RPAP3: variants seen among roughly 807,000 people sequenced by gnomAD.
RPAP3 encodes RNA polymerase II-associated protein 3.
A neutral mutation model predicts 88.8 loss-of-function variants in RPAP3; 58 were observed. The observed-to-expected ratio is 0.65, with a 90% CI of 0.53 to 0.81. The LOEUF is 0.81. Ranked by LOEUF, RPAP3 falls within the 40% of genes least tolerant of loss-of-function variation. RPAP3 has a pLI of 0.00. For missense variants in RPAP3, 751 were observed against 764.3 expected, an observed-to-expected ratio of 0.98 and a Z score of 0.20; for synonymous variants, 255 against 259.9, an observed-to-expected ratio of 0.98 and a Z score of 0.18.
At chr12:47,690,118 G>T (rs1465897941) in intron 6 of RPAP3, among the ~76,000 whole-genome samples, 1 of 151,164 alleles carries the variant, frequency 6.6e-6, no homozygotes, top group Non-Finnish European at 1.5e-5. Context: ...CAGATTTTGT[G>T]ATTTGTAATA....
In RPAP3 at chr12:47,685,120, T is replaced by C. The variant is rs182524281; in HGVS notation, c.992+1660A>G. Among the ~76,000 whole-genome samples, 5 of 152,336 alleles carry C rather than the reference T, an allele frequency of 3.3e-5. No individual in the cohort carries two copies. In the East Asian group the frequency reaches 9.6e-4, roughly 29 times the overall value. On this transcript the variant is annotated intron_variant, in intron 9 of 16. Coordinates refer to ENST00000005386, the MANE Select transcript of RPAP3 (RefSeq NM_024604.3). The stretch of plus-strand genomic sequence containing the variant: ...TTGGCCGGGCGCGGTGGCTCCTGCC[T>C]GTAATCCCAGCACTCTGGGAGGCCG...
At chr12:47,691,025 T>C (rs1253206628) in intron 5 of RPAP3, among the ~76,000 whole-genome samples, 1 of 152,206 alleles carries the variant, frequency 6.6e-6, no homozygotes, top group Admixed American at 6.5e-5. Context: ...TCTGAGTCTT[T>C]AGTGAATATT....
At chr12:47,688,611 C>G (rs186450872) in intron 7 of RPAP3, among the ~76,000 whole-genome samples, 1 of 152,244 alleles carries the variant, frequency 6.6e-6, no homozygotes, top group African/African-American at 2.4e-5. Context: ...TGTTTTCAGA[C>G]ATAACAGTTC....
chr12:47,661,941 T>C lies in RPAP3; in HGVS notation c.*1564A>G, dbSNP rs1938768039. On this transcript the variant is annotated 3_prime_UTR_variant, in exon 17 of 17. Transcript: ENST00000005386. ...AAAATATCAAACTGGGTAGCTTACATTAATAAAAACAGAAATTTATTTCTT... is the reference window on the plus strand; with the variant it reads ...AAAATATCAAACTGGGTAGCTTACACTAATAAAAACAGAAATTTATTTCTT... The C allele has an allele frequency of 6.6e-6, 1 of 152,230 alleles. No homozygotes were observed. Among genetic ancestry groups the C allele is most frequent in the African/African-American group, 2.4e-5 (1 of 41,460 alleles). The allele number at this position is 152,230 out of a possible 1,614,324, so 9.4% of individuals were successfully genotyped here. A position where few individuals can be genotyped will look rare whatever the true frequency, so the allele number is the denominator to read the frequency against.
intron 14 of RPAP3, 91 bp from the exon 15 acceptor site, chr12:47,667,942 A>G (rs1938915816): frequency 1.2e-6 from 1 of 853,494 alleles, no homozygotes; most frequent in Non-Finnish European, 1.8e-6. Flanking sequence ...ATAGTAAAGA[A>G]TAACTACTTT....
In RPAP3 at chr12:47,689,042, T is replaced by C. The variant is rs916139121; in HGVS notation, c.738+83A>G. On this transcript the variant is annotated intron_variant, in intron 7 of 16. Coordinates refer to ENST00000005386, the MANE Select transcript of RPAP3 (RefSeq NM_024604.3). ...ATTAGAAAATCTCAATATTAAGAAA[T>C]CTATAGTACAAAATCTATGCAAAAA... is the stretch of plus-strand genomic sequence containing the variant. 1.2e-5 allele frequency: 8 copies of C among 660,552 alleles called. No individual in the cohort carries two copies. In the East Asian group the frequency reaches 2.0e-4, roughly 17 times the overall value. The allele number at this position is 660,552 out of a possible 1,614,324, so 40.9% of individuals were successfully genotyped here. A position where few individuals can be genotyped will look rare whatever the true frequency, so the allele number is the denominator to read the frequency against.
chr12:47,697,803 CAAAT>C lies in RPAP3; in HGVS notation c.295-88_295-85del, dbSNP rs200741779. On this transcript the variant is annotated intron_variant, in intron 3 of 16. Transcript: ENST00000005386. ...AAAAGACATACTAAAAAAATACACT[CAAAT>C]GAATGTAAATTGTTACAATCTAAGG... 9.1e-3 allele frequency: 11,290 copies of C among 1,234,436 alleles called. 694 individuals are homozygous for C. The African/African-American group carries it at 0.14, about 16-fold the overall frequency. The allele number at this position is 1,234,436 out of a possible 1,614,324, so 76.5% of individuals were successfully genotyped here. A position where few individuals can be genotyped will look rare whatever the true frequency, so the allele number is the denominator to read the frequency against.
At chr12:47,680,334 A>G (rs1445372629) in intron 10 of RPAP3, among the ~76,000 whole-genome samples, 1 of 152,124 alleles carries the variant, frequency 6.6e-6, no homozygotes, top group Non-Finnish European at 1.5e-5. Flanking sequence ...ATGTGTATAG[A>G]GTTTTAGAAT....
At chr12:47,666,001 T>G (rs1938867212) in intron 16 of RPAP3, among the ~76,000 whole-genome samples, 1 of 152,162 alleles carries the variant, frequency 6.6e-6, no homozygotes, top group Non-Finnish European at 1.5e-5. Flanking sequence ...CTTATTGATT[T>G]AAAATCATTC....
At chr12:47,686,758 C>A in intron 9 of RPAP3, 22 bp downstream of exon 9, 1 of 1,490,858 alleles carries the variant, frequency 6.7e-7, no homozygotes, top group Non-Finnish European at 9.0e-7. Context: ...CTGAACAGCA[C>A]TAAAATGTAA....
Position 47,674,513 on chromosome 12 carries a change from C to T in RPAP3, c.1288-4168G>A, listed in dbSNP as rs546032473. Among the ~76,000 whole-genome samples the T allele has an allele frequency of 4.6e-5, 7 of 152,160 alleles. No individual in the cohort carries two copies. The South Asian group carries it at 1.2e-3, about 27-fold the overall frequency. ...CTAAAAACCTTGAAAAAAGATTAGACGAATGACTAACTACAATAAACAGTG... is the reference window on the plus strand; with the variant it reads ...CTAAAAACCTTGAAAAAAGATTAGATGAATGACTAACTACAATAAACAGTG... On this transcript the variant is annotated intron_variant, in intron 12 of 16. Transcript: ENST00000005386.
chr12:47,671,159 T>C (rs867296815), intron 12 of RPAP3, among the ~76,000 whole-genome samples: 7 of 152,160 alleles, frequency 4.6e-5, no homozygotes, highest in Non-Finnish European at 8.8e-5. Flanking sequence ...TATGTATATC[T>C]AATAAAATAT....
intron 8 of RPAP3, 45 bp downstream of exon 8, chr12:47,687,831 C>T: frequency 6.4e-7 from 1 of 1,567,354 alleles, no homozygotes; most frequent in Non-Finnish European, 8.6e-7. Context: ...TAAATCAACA[C>T]TCAGCAAAAC....
At chr12:47,701,058 G>A (rs1045404718) in intron 3 of RPAP3, 1 of 152,476 alleles carries the variant, frequency 6.6e-6, no homozygotes, top group African/African-American at 2.4e-5. Flanking sequence ...CCTACACATG[G>A]GATAAAATAA....
intron 12 of RPAP3, among the ~76,000 whole-genome samples, chr12:47,676,251 T>A (rs749855876): frequency 6.6e-6 from 1 of 152,096 alleles, no homozygotes; most frequent in African/African-American, 2.4e-5. Flanking sequence ...AAGCAGTGTG[T>A]AGAAGGAAAT....
chr12:47,685,023 A>G (rs73104116), intron 9 of RPAP3, among the ~76,000 whole-genome samples: 9,180 of 152,288 alleles, frequency 0.06, 351 homozygotes, highest in Middle Eastern at 0.12. Flanking sequence ...TTCAAATAAA[A>G]TTTAGCTATC....
intron 4 of RPAP3, among the ~76,000 whole-genome samples, chr12:47,697,100 A>G (rs1490327379): frequency 1.3e-5 from 2 of 152,256 alleles, no homozygotes; most frequent in African/African-American, 4.8e-5. Flanking sequence ...CCTTTGTGAA[A>G]GTAATATAGC....
chr12:47,681,875 T>G, intron 9 of RPAP3, 58 bp from the exon 10 acceptor site: 1 of 1,478,318 alleles, frequency 6.8e-7, no homozygotes. Flanking sequence ...AAAAATGTCA[T>G]ATAAACTAAG....
chr12:47,698,878 T>C (rs1939589715), intron 3 of RPAP3, among the ~76,000 whole-genome samples: 1 of 152,210 alleles, frequency 6.6e-6, no homozygotes, highest in Non-Finnish European at 1.5e-5. Flanking sequence ...TCTTTTTGCA[T>C]TCAAACACTA....
Sources: allele counts gnomAD v4.1 joint callset (sites outside exome capture counted in the v4.1 genomes callset), GRCh38; gene constraint gnomAD v4.1.1; transcripts MANE v1.5; gene names NCBI Gene and HGNC (gene_info 2026-07-23, HGNC 2026-07-21).